Variants in CNOT3 observed in about 807,000 individuals in gnomAD.
CNOT3 encodes CCR4-NOT transcription complex subunit 3.
A neutral mutation model predicts 89.4 loss-of-function variants in CNOT3; 2 were observed. That is an observed-to-expected ratio of 0.02 (90% CI 0.01 to 0.07). CNOT3 has a LOEUF of 0.07. Ranked by LOEUF, CNOT3 falls within the 10% of genes least tolerant of loss-of-function variation. CNOT3 has a pLI of 1.00. For synonymous variants in CNOT3, 486 were observed against 402.0 expected, an observed-to-expected ratio of 1.21 and a Z score of -2.50; for missense variants, 664 against 1,010.2, an observed-to-expected ratio of 0.66 and a Z score of 4.65.
At position 54,148,423 on chromosome 19, in the gene CNOT3, C is replaced by T. The variant is rs1358151627; in HGVS notation, c.1170C>T (p.Pro390=). ...PSGPSTTQPR[P]PSVQPSGGGG... ...GGCCCAGCACGACCCAGCCCCGGCC[C>T]CCCAGCGTCCAGCCTAGCGGAGGCG... The change falls in exon 11 of 18, where the codon CCC becomes CCT. Residue 390 remains proline (P), a synonymous_variant. Transcript: ENST00000221232. The surrounding 1 kb of genome is among the most constrained non-coding windows in gnomAD (Gnocchi z 6.3). The T allele has an allele frequency of 1.3e-5, 20 of 1,564,662 alleles. No homozygotes were observed. The highest frequency in any genetic ancestry group is 1.6e-5 in the Non-Finnish European group (19 of 1,153,496).
rs2074449051 is a variant in CNOT3, at chr19:54,141,539, T to C, written c.-50-1390T>C. On this transcript the variant is annotated intron_variant, in intron 1 of 17. Transcript: ENST00000221232. ...GAAAAATTCAGTTCCTCCATTACACTTGCCACATTTCAGATGTTCAGTGGC... is the reference window on the plus strand; with the variant it reads ...GAAAAATTCAGTTCCTCCATTACACCTGCCACATTTCAGATGTTCAGTGGC... 3 of 152,246 alleles carry C rather than the reference T, an allele frequency of 2.0e-5. No homozygotes were observed. The South Asian group carries it at 6.2e-4, about 31-fold the overall frequency. 9.4% of individuals were successfully genotyped at this position (152,246 alleles called of 1,614,324 possible). A position where few individuals can be genotyped will look rare whatever the true frequency, so the allele number is the denominator to read the frequency against.
Position 54,148,340 on chromosome 19 carries a change from C to A in CNOT3, c.1087C>A (p.His363Asn). The change falls in exon 11 of 18, where the codon CAC becomes AAC. Residue 363 changes from histidine (H) to asparagine (N), a missense_variant. Physicochemically the swap from His to Asn is moderately conservative, Grantham distance 68. Around this residue, in one of 8 missense-constraint regions of CNOT3, gnomAD observed 545 missense variants for 566.2 expected, o/e 0.96. Coordinates refer to ENST00000221232, the MANE Select transcript of CNOT3 (RefSeq NM_014516.4). This position sits in a 1 kb window ranked among gnomAD's most constrained non-coding sequence, Gnocchi z 6.3. Reference sequence around the variant, plus strand: ...CCCCAAGGCCAGTCCAGCTCCCAGCCACAACTCGGGCACCCCTGCTCCCTA... The same window carrying A: ...CCCCAAGGCCAGTCCAGCTCCCAGCAACAACTCGGGCACCCCTGCTCCCTA... ...LGPKASPAPSHNSGTPAPYAQ... is the reference protein window; with the variant it reads ...LGPKASPAPSNNSGTPAPYAQ... 2 of 1,592,410 alleles carry A rather than the reference C, an allele frequency of 1.3e-6. No homozygotes were observed. Among genetic ancestry groups the A allele is most frequent in the Non-Finnish European group, 1.7e-6 (2 of 1,169,274 alleles).
At position 54,152,896 on chromosome 19, in the gene CNOT3, C is replaced by A. The variant is rs1438728455; in HGVS notation, c.1934C>A (p.Thr645Lys). The part of the protein sequence containing the change: ...RQYLPRNPCP[T>K]PPYHHQMPPP... Reference sequence around the variant, plus strand: ...TACCTCCCCCGGAACCCCTGTCCGACGCCCCCCTACCACCACCAGATGCCA... The same window carrying A: ...TACCTCCCCCGGAACCCCTGTCCGAAGCCCCCCTACCACCACCAGATGCCA... Residue 645 changes from threonine (T) to lysine (K), a missense_variant, in exon 16 of 18, where the codon ACG becomes AAG. Around this residue, in one of 8 missense-constraint regions of CNOT3, gnomAD observed 545 missense variants for 566.2 expected, o/e 0.96. Transcript: ENST00000221232. The A allele has an allele frequency of 6.5e-7, 1 of 1,544,068 alleles. No individual in the cohort carries two copies. Among genetic ancestry groups the A allele is most frequent in the Non-Finnish European group, 8.8e-7 (1 of 1,134,302 alleles).
intron 16 of CNOT3, 56 bp downstream of exon 16, chr19:54,153,055 CCGT>C: frequency 6.4e-7 from 1 of 1,555,286 alleles, no homozygotes; most frequent in Non-Finnish European, 8.8e-7. Flanking sequence ...GCCACCGCCG[CCGT>C]CCCCCCTCGG....
chr19:54,151,629 G>A (rs1364071934), intron 13 of CNOT3, among the ~76,000 whole-genome samples: 1 of 152,200 alleles, frequency 6.6e-6, no homozygotes, highest in East Asian at 1.9e-4. Context: ...GGAGGAACCA[G>A]CCCTGACTTT....
rs370457959 is a variant in CNOT3, at chr19:54,148,293, C to G, written c.1040C>G (p.Ala347Gly). ...GGCAACAATGGGGTCCCCGCCCCCG[C>G]AGCACCCCCAAGTGCCCTGGGCCCC... ...TPGNNGVPAP[A>G]APPSALGPKA... is the part of the protein sequence containing the mutation. Residue 347 changes from alanine (A) to glycine (G), a missense_variant, in exon 11 of 18, where the codon GCA (alanine) becomes GGA (glycine). Transcript: ENST00000221232. This position sits in a 1 kb window ranked among gnomAD's most constrained non-coding sequence, Gnocchi z 6.3. The G allele has an allele frequency of 3.3e-5, 53 of 1,609,130 alleles. No homozygotes were observed. In the African/African-American group the frequency reaches 4.9e-4, roughly 15 times the overall value.
Position 54,144,412 on chromosome 19 carries a change from G to A in CNOT3, c.483+80G>A, listed in dbSNP as rs1359398784. ...GGCCAGCAGGAGGCCAGTCATTTAT[G>A]CTCCTGGGAGTTGGGGCCTGGATTC... is the stretch of plus-strand genomic sequence containing the variant. On this transcript the variant is annotated intron_variant, in intron 7 of 17. Coordinates refer to ENST00000221232, the MANE Select transcript of CNOT3 (RefSeq NM_014516.4). This position sits in a 1 kb window ranked among gnomAD's most constrained non-coding sequence, Gnocchi z 4.8. The A allele has an allele frequency of 9.6e-7, 1 of 1,039,308 alleles. No homozygotes were observed. The highest frequency in any genetic ancestry group is 1.6e-5 in the African/African-American group (1 of 63,888). 64.4% of individuals were successfully genotyped at this position (1,039,308 alleles called of 1,614,324 possible). A position where few individuals can be genotyped will look rare whatever the true frequency, so the allele number is the denominator to read the frequency against.
At chr19:54,147,168 A>G (rs1227764486) in intron 10 of CNOT3, among the ~76,000 whole-genome samples, 1 of 152,202 alleles carries the variant, frequency 6.6e-6, no homozygotes, top group Non-Finnish European at 1.5e-5. Context: ...AATTTCTGAG[A>G]GGAGACGGTG....
chr19:54,149,485 T>A, intron 12 of CNOT3, 75 bp from the exon 13 acceptor site: 1 of 920,572 alleles, frequency 1.1e-6, no homozygotes, highest in Non-Finnish European at 1.6e-6. Flanking sequence ...CTCCCCTCTC[T>A]CCAGCCAGGC....
rs765395773 is a variant in CNOT3 at position 54,145,807 on chromosome 19, C to T, written c.693C>T (p.Leu231=). 68 of 1,611,614 alleles carry T rather than the reference C, an allele frequency of 4.2e-5. No homozygotes were observed. The Admixed American group carries it at 7.0e-4, about 17-fold the overall frequency. ...ENEFLYDDLD[L]EDIPQALVAT... ...AGTTTCTCTACGATGACCTGGACCTCGAGGACATTCGTGAGGCCCTGGGGC... is the reference window on the plus strand; with the variant it reads ...AGTTTCTCTACGATGACCTGGACCTTGAGGACATTCGTGAGGCCCTGGGGC... Residue 231 remains leucine, a synonymous_variant, in exon 8 of 18, where the codon CTC becomes CTT. Coordinates refer to ENST00000221232, the MANE Select transcript of CNOT3 (RefSeq NM_014516.4). The surrounding 1 kb of genome is among the most constrained non-coding windows in gnomAD (Gnocchi z 5.9).
intron 1 of CNOT3, chr19:54,141,880 A>G (rs1447764069): frequency 6.6e-6 from 1 of 152,172 alleles, no homozygotes; most frequent in Non-Finnish European, 1.5e-5. Flanking sequence ...CTGAGGCATA[A>G]GCCTCTCTTC....
At chr19:54,151,996 G>C (rs2075141375) in intron 13 of CNOT3, among the ~76,000 whole-genome samples, 1 of 152,242 alleles carries the variant, frequency 6.6e-6, no homozygotes, top group Non-Finnish European at 1.5e-5. Context: ...AGTATTCCAT[G>C]CTGCAGAGTC....
chr19:54,143,951 TAGTC>T (rs1300437273), intron 5 of CNOT3, 51 bp from the exon 6 acceptor site: 36 of 1,578,236 alleles, frequency 2.3e-5, no homozygotes, highest in Admixed American at 1.0e-4. Context: ...TGCTGGCCCT[TAGTC>T]AGCTCCTTTC....
intron 16 of CNOT3, 46 bp downstream of exon 16, chr19:54,153,045 G>A (rs772667061): frequency 8.9e-6 from 14 of 1,567,782 alleles, no homozygotes; most frequent in African/African-American, 1.4e-5. Context: ...CGGCTTCGCC[G>A]CCACCGCCGC....
chr19:54,149,846 C>T (rs1433617337), intron 13 of CNOT3, 88 bp downstream of exon 13: 2 of 1,260,374 alleles, frequency 1.6e-6, no homozygotes, highest in South Asian at 1.5e-5. Flanking sequence ...CTTGCCCCCA[C>T]CCTCTTTCTG....
intron 16 of CNOT3, 91 bp downstream of exon 16, chr19:54,153,090 C>A: frequency 7.1e-7 from 1 of 1,405,588 alleles, no homozygotes; most frequent in Non-Finnish European, 1.0e-6. Flanking sequence ...GAGGTGGGTG[C>A]CCCACTGCGG....
intron 1 of CNOT3, among the ~76,000 whole-genome samples, chr19:54,138,768 G>A (rs1374556972): frequency 1.3e-5 from 2 of 152,236 alleles, no homozygotes; most frequent in East Asian, 1.9e-4. Flanking sequence ...GTAGCGCCCT[G>A]GGTGGCTCCA....
At chr19:54,154,084 C>A in intron 17 of CNOT3, 2 of 698,930 alleles carry the variant, frequency 2.9e-6, no homozygotes, top group East Asian at 5.6e-5. Context: ...CTCAAAGAAA[C>A]CTTCCTGGAG....
intron 16 of CNOT3, 195 bp from the exon 17 acceptor site, chr19:54,153,517 ACCT>A: frequency 1.3e-6 from 1 of 778,152 alleles, no homozygotes; most frequent in South Asian, 1.4e-5. Flanking sequence ...AGCAATTTTC[ACCT>A]CCTGTCTCAT....
Sources: allele counts gnomAD v4.1 joint callset (sites outside exome capture counted in the v4.1 genomes callset), GRCh38; gene constraint gnomAD v4.1.1; regional missense constraint gnomAD v4.1.1; non-coding constraint Gnocchi (gnomAD v3.1); transcripts MANE v1.5; gene names NCBI Gene and HGNC (gene_info 2026-07-23, HGNC 2026-07-21).